Variants in TLCD3A observed in about 807,000 individuals in gnomAD.
The protein encoded by TLCD3A is TLC domain-containing protein 3A.
A neutral mutation model predicts 29.9 loss-of-function variants in TLCD3A; 17 were observed. That is an observed-to-expected ratio of 0.57 (90% CI 0.39 to 0.85). The LOEUF is 0.85. TLCD3A is among the 40% of genes least tolerant of loss of function. The probability of loss-of-function intolerance (pLI) is 0.00; values close to 1 mark genes in which losing one functional copy is unlikely to be tolerated. For synonymous variants in TLCD3A, 143 were observed against 147.7 expected, an observed-to-expected ratio of 0.97 and a Z score of 0.23; for missense variants, 332 against 350.8, an observed-to-expected ratio of 0.95 and a Z score of 0.43.
At chr17:732,939 G>C (rs939624941) in intron 1 of TLCD3A, 159 bp from the exon 2 acceptor site, 2 of 1,381,420 alleles carry the variant, frequency 1.4e-6, no homozygotes, top group African/African-American at 3.0e-5. Flanking sequence ...CCCCTGGCGG[G>C]AGCGGGGCCG....
chr17:738,032 T>C lies in TLCD3A; in HGVS notation c.393T>C (p.Leu131=), dbSNP rs1390759612. ...ITHHAVILFV[L]VPVAQRLRGD... ...ATCATGCGGTCATTCTCTTTGTCCT[T>C]GTGCCAGTCGCACAGGTATGGCCTT... The change falls in exon 3 of 5, where the codon CTT becomes CTC. Residue 131 remains leucine, a synonymous_variant. Coordinates refer to ENST00000308278, the MANE Select transcript of TLCD3A (RefSeq NM_024792.3). 2 of 1,610,286 alleles carry C rather than the reference T, an allele frequency of 1.2e-6. No homozygotes were observed. Among genetic ancestry groups the C allele is most frequent in the Non-Finnish European group, 8.5e-7 (1 of 1,178,080 alleles).
intron 3 of TLCD3A, among the ~76,000 whole-genome samples, chr17:738,685 G>A (rs983466536): frequency 3.3e-5 from 5 of 152,156 alleles, no homozygotes; most frequent in East Asian, 3.9e-4. Context: ...TGATCCTCCT[G>A]CCTCTGCTTC....
intron 4 of TLCD3A, among the ~76,000 whole-genome samples, chr17:740,860 T>C (rs1974242615): frequency 6.6e-6 from 1 of 152,028 alleles, no homozygotes; most frequent in Non-Finnish European, 1.5e-5. Flanking sequence ...TGTGGAGAAA[T>C]CCCTAGTGCC....
intron 3 of TLCD3A, among the ~76,000 whole-genome samples, chr17:738,338 C>T (rs766165045): frequency 1.3e-5 from 2 of 151,972 alleles, no homozygotes; most frequent in African/African-American, 4.8e-5. Flanking sequence ...TCAAGTGATC[C>T]GCCCGCCTCG....
In TLCD3A at chr17:741,291, T is replaced by A. The variant is rs536854158; in HGVS notation, c.505-10T>A. On this transcript the variant is annotated splice_polypyrimidine_tract_variant and intron_variant, in intron 4 of 4. Transcript: ENST00000308278. ...GTGACCTTACCTTTTTCCTTCCTCT[T>A]CTATTGCAGCTAAAGCAGCAGCACA... 139 of 1,613,604 alleles carry A rather than the reference T, an allele frequency of 8.6e-5. 1 individual carries two copies. In the South Asian group the frequency reaches 1.4e-3, roughly 17 times the overall value.
In TLCD3A at chr17:732,710, G is replaced by C; in HGVS notation, c.63G>C (p.Trp21Cys). ...FFPGLFALCT[W>C]ALRRSQPGWS... The stretch of plus-strand genomic sequence containing the variant: ...CGGGGCTCTTCGCGCTCTGCACCTG[G>C]GCGCTGCGCCGCTCCCAGCCCGGAT... The change falls in exon 1 of 5, where the codon TGG becomes TGC. Residue 21 changes from tryptophan (W) to cysteine (C), a missense_variant. Transcript: ENST00000308278. 7.0e-7 allele frequency: 1 copy of C among 1,437,368 alleles called. No homozygotes were observed. The highest frequency in any genetic ancestry group is 1.4e-5 in the South Asian group (1 of 73,786). The allele number at this position is 1,437,368 out of a possible 1,614,324, so 89.0% of individuals were successfully genotyped here.
chr17:741,160 G>C, intron 4 of TLCD3A, 141 bp from the exon 5 acceptor site: 1 of 769,100 alleles, frequency 1.3e-6, no homozygotes, highest in Non-Finnish European at 2.1e-6. Context: ...ACAAACGTCT[G>C]GGCGCCAGGG....
chr17:741,155 C>A, intron 4 of TLCD3A, 146 bp from the exon 5 acceptor site: 1 of 737,704 alleles, frequency 1.4e-6, no homozygotes. Context: ...ACTAGACAAA[C>A]GTCTGGGCGC....
chr17:732,797 A>G, intron 1 of TLCD3A, 28 bp downstream of exon 1: 1 of 1,434,050 alleles, frequency 7.0e-7, no homozygotes, highest in Admixed American at 2.6e-5. Flanking sequence ...ACGCCCCCCG[A>G]GGCCCGGGGC....
rs1191401555 is a variant in TLCD3A, at chr17:737,885, A to G, written c.246A>G (p.Pro82=). 2.5e-6 allele frequency: 4 copies of G among 1,613,986 alleles called. No individual in the cohort carries two copies. The highest frequency in any genetic ancestry group is 3.4e-6 in the Non-Finnish European group (4 of 1,180,032). The change falls in exon 3 of 5, where the codon CCA becomes CCG. Residue 82 remains proline, a synonymous_variant. Coordinates refer to ENST00000308278, the MANE Select transcript of TLCD3A (RefSeq NM_024792.3). Reference sequence around the variant, plus strand: ...GGGAATATGTGTGGTTTCTGATTCCATACATGATCTATGACTCGTACGCCA... The same window carrying G: ...GGGAATATGTGTGGTTTCTGATTCCGTACATGATCTATGACTCGTACGCCA... The part of the protein sequence containing the change: ...LAREYVWFLI[P]YMIYDSYAMY...
chr17:736,174 T>C (rs1355995950), intron 2 of TLCD3A, among the ~76,000 whole-genome samples: 8 of 152,160 alleles, frequency 5.3e-5, no homozygotes, highest in Admixed American at 5.2e-4. Flanking sequence ...TTCAGCGGAC[T>C]GGCTGCGTCC....
Position 740,531 on chromosome 17 carries a change from CTTT to C in TLCD3A, c.436_438del (p.Phe146del), listed in dbSNP as rs746590433. On this transcript the variant is annotated inframe_deletion, in exon 4 of 5. Coordinates refer to ENST00000308278, the MANE Select transcript of TLCD3A (RefSeq NM_024792.3). ...GGCTCCGGGGAGACCTTGGGGACTT[CTTT>C]GTCGGCTGCATCTTCACGGCAGAAC... The C allele has an allele frequency of 6.2e-6, 10 of 1,614,038 alleles. No individual in the cohort carries two copies. In the South Asian group the frequency reaches 6.6e-5, roughly 11 times the overall value.
chr17:741,781 G>A lies in TLCD3A; in HGVS notation c.*211G>A, dbSNP rs952097014. ...TAGTAACAACTATTGGGTCCTGTCA[G>A]ACCTCCACGGACAGCAAAGTGGTTT... is the stretch of plus-strand genomic sequence containing the variant. On this transcript the variant is annotated 3_prime_UTR_variant, in exon 5 of 5. Coordinates refer to ENST00000308278, the MANE Select transcript of TLCD3A (RefSeq NM_024792.3). The A allele has an allele frequency of 4.6e-5, 28 of 604,116 alleles. No homozygotes were observed. Among genetic ancestry groups the A allele is most frequent in the South Asian group, 3.0e-4 (15 of 49,512 alleles). The allele number at this position is 604,116 out of a possible 1,614,324, so 37.4% of individuals were successfully genotyped here. A position where few individuals can be genotyped will look rare whatever the true frequency, so the allele number is the denominator to read the frequency against.
In TLCD3A at chr17:741,446, G is replaced by C; in HGVS notation, c.650G>C (p.Ser217Thr). The C allele has an allele frequency of 6.2e-7, 1 of 1,614,204 alleles. No homozygotes were observed. The change falls in exon 5 of 5, where the codon AGC becomes ACC. Residue 217 changes from serine to threonine, a missense_variant. Physicochemically the swap from Ser to Thr is moderately conservative, Grantham distance 58. Coordinates refer to ENST00000308278, the MANE Select transcript of TLCD3A (RefSeq NM_024792.3). ...CTAAGCCTGCTCCAAGTACCCTTCA[G>C]CATCCCATTCTACTGCAACGTGGCC... ...QGLSLLQVPF[S>T]IPFYCNVANA...
At position 733,093 on chromosome 17, in the gene TLCD3A, G is replaced by T. The variant is rs1194545378; in HGVS notation, c.123-5G>T. On this transcript the variant is annotated splice_region_variant and splice_polypyrimidine_tract_variant and intron_variant, in intron 1 of 4. Transcript: ENST00000308278. ...CGCGCGCGCTGTTCTCTCCGCCCGC[G>T]CTAGGCTGGTTTCCTCGGTGCACGC... 3 of 1,580,456 alleles carry T rather than the reference G, an allele frequency of 1.9e-6. No homozygotes were observed. The highest frequency in any genetic ancestry group is 1.4e-5 in the African/African-American group (1 of 73,694).
In TLCD3A at chr17:741,552, A is replaced by G. The variant is rs1453113330; in HGVS notation, c.756A>G (p.Gln252=). The G allele has an allele frequency of 6.2e-7, 1 of 1,613,364 alleles. No homozygotes were observed. The highest frequency in any genetic ancestry group is 1.3e-5 in the African/African-American group (1 of 74,922). The change falls in exon 5 of 5, where the codon CAA becomes CAG. Residue 252 remains glutamine (Q), a synonymous_variant. Coordinates refer to ENST00000308278, the MANE Select transcript of TLCD3A (RefSeq NM_024792.3). Reference sequence around the variant, plus strand: ...CAGTCCGGCTCTTTGACACTCCCCAAGCCAAAAAGGATGGCTAAATGCTCC... The same window carrying G: ...CAGTCCGGCTCTTTGACACTCCCCAGGCCAAAAAGGATGGCTAAATGCTCC... The part of the protein sequence containing the change: ...RKAVRLFDTP[Q]AKKDG
In TLCD3A at chr17:741,916, G is replaced by A. The variant is rs1325511468; in HGVS notation, c.*346G>A. ...GTGGTAAGTGTCTGCACATCTGCCTGTCCCTGTATCAGCGGCTACCCACCT... is the reference window on the plus strand; with the variant it reads ...GTGGTAAGTGTCTGCACATCTGCCTATCCCTGTATCAGCGGCTACCCACCT... On this transcript the variant is annotated 3_prime_UTR_variant, in exon 5 of 5. Transcript: ENST00000308278. 1 of 350,580 alleles carries A rather than the reference G, an allele frequency of 2.9e-6. No homozygotes were observed. Among genetic ancestry groups the A allele is most frequent in the East Asian group, 7.2e-5 (1 of 13,864 alleles). 21.7% of individuals were successfully genotyped at this position (350,580 alleles called of 1,614,324 possible). A position where few individuals can be genotyped will look rare whatever the true frequency, so the allele number is the denominator to read the frequency against.
At position 742,770 on chromosome 17, in the gene TLCD3A, T is replaced by C. The variant is rs1974279032; in HGVS notation, c.*1200T>C. On this transcript the variant is annotated 3_prime_UTR_variant, in exon 5 of 5. Coordinates refer to ENST00000308278, the MANE Select transcript of TLCD3A (RefSeq NM_024792.3). ...CTACCATGTGTTCTCAAGTGGTAGTTTAAAAAGTGGATTTTTAAAGTGCCT... is the reference window on the plus strand; with the variant it reads ...CTACCATGTGTTCTCAAGTGGTAGTCTAAAAAGTGGATTTTTAAAGTGCCT... The C allele has an allele frequency of 6.6e-6, 1 of 152,652 alleles. No homozygotes were observed. Among genetic ancestry groups the C allele is most frequent in the Non-Finnish European group, 1.5e-5 (1 of 68,038 alleles). 9.5% of individuals were successfully genotyped at this position (152,652 alleles called of 1,614,324 possible).
intron 3 of TLCD3A, 102 bp from the exon 4 acceptor site, chr17:740,403 T>C: frequency 2.3e-6 from 2 of 860,394 alleles, no homozygotes; most frequent in Non-Finnish European, 2.0e-6. Context: ...TGAGCGTCCT[T>C]TGCCCGTCAC....
Sources: gnomAD v4.1 joint callset for allele counts (sites outside exome capture counted in the v4.1 genomes callset) on GRCh38, gnomAD v4.1.1 for gene constraint, MANE v1.5 for transcripts, NCBI Gene and HGNC (gene_info 2026-07-23, HGNC 2026-07-21) for gene names.